The following ZFYVE28 variants were observed in gnomAD, a reference collection of about 807,000 sequenced individuals.
The protein encoded by ZFYVE28 is lateral signaling target protein 2 homolog.
ZFYVE28 carries 40 observed loss-of-function variants against 82.1 expected under a neutral mutation model. That is an observed-to-expected ratio of 0.49 (90% CI 0.38 to 0.63). ZFYVE28 has a LOEUF of 0.63. ZFYVE28 is among the 30% of genes least tolerant of loss of function. The probability of loss-of-function intolerance (pLI) is 0.00; values close to 1 mark genes in which losing one functional copy is unlikely to be tolerated. For missense variants in ZFYVE28, 1,321 were observed against 1,242.1 expected (o/e 1.06, Z -0.96); for synonymous variants, 612 against 546.1 (o/e 1.12, Z -1.68).
At position 2,355,661 on chromosome 4, in the gene ZFYVE28, T is replaced by A. The variant is rs184117016; in HGVS notation, c.40-1588A>T. 9.6e-4 allele frequency among the ~76,000 whole-genome samples: 146 copies of A among 152,068 alleles called. 2 individuals are homozygous for A. Among genetic ancestry groups the A allele is most frequent in the African/African-American group, 3.5e-3 (144 of 41,446 alleles). On this transcript the variant is annotated intron_variant, in intron 1 of 12. Coordinates refer to ENST00000290974, the MANE Select transcript of ZFYVE28 (RefSeq NM_020972.3). Reference sequence around the variant, plus strand: ...GGCATGAGCATGGCTCACTGCAACCTCCGCCTCCTGGGCTCAAGAGATCCT... The same window carrying A: ...GGCATGAGCATGGCTCACTGCAACCACCGCCTCCTGGGCTCAAGAGATCCT...
At chr4:2,297,000 G>A (rs1014999671) in intron 8 of ZFYVE28, among the ~76,000 whole-genome samples, 7 of 152,238 alleles carry the variant, frequency 4.6e-5, no homozygotes, top group Admixed American at 6.5e-5. Context: ...CCGGGCCACC[G>A]AGGCCACAGC....
At chr4:2,347,591 A>C (rs765501092) in intron 2 of ZFYVE28, among the ~76,000 whole-genome samples, 1 of 152,224 alleles carries the variant, frequency 6.6e-6, no homozygotes, top group Non-Finnish European at 1.5e-5. Context: ...AATGGAATTA[A>C]ATTAGAAATC....
intron 8 of ZFYVE28, among the ~76,000 whole-genome samples, chr4:2,291,972 T>G (rs1006454529): frequency 2.0e-5 from 3 of 152,102 alleles, no homozygotes; most frequent in African/African-American, 7.2e-5. Context: ...TGGGCCAGGC[T>G]CCAGCACGTC....
chr4:2,280,631 C>G lies in ZFYVE28; in HGVS notation c.2052-6415G>C, dbSNP rs565299343. ...TACACTTACTTGAGTAGTAAGATTA[C>G]AGGTAAATTATCATTTTCTAAAGTC... On this transcript the variant is annotated intron_variant, in intron 8 of 12. Transcript: ENST00000290974. Among the ~76,000 whole-genome samples the G allele has an allele frequency of 7.7e-4, 117 of 152,340 alleles. 2 individuals are homozygous for G. The highest frequency in any genetic ancestry group is 7.9e-4 in the Non-Finnish European group (54 of 68,038).
Position 2,320,190 on chromosome 4 carries a change from G to A in ZFYVE28, c.783C>T (p.His261=). 1.9e-6 allele frequency: 3 copies of A among 1,613,368 alleles called. No homozygotes were observed. The highest frequency in any genetic ancestry group is 1.1e-5 in the South Asian group (1 of 91,028). Residue 261 remains histidine, a synonymous_variant, in exon 7 of 13, where the codon CAC becomes CAT. Transcript: ENST00000290974. The surrounding 1 kb of genome is among the most constrained non-coding windows in gnomAD (Gnocchi z 5.1). ...CCCACCTTATTTTCCGCAGCAACGTGTGGAAGGGCCGGAACAGCTCGGACA... is the reference window on the plus strand; with the variant it reads ...CCCACCTTATTTTCCGCAGCAACGTATGGAAGGGCCGGAACAGCTCGGACA... ...EDMSELFRPF[H]TLLRKIRDLL...
chr4:2,350,445 C>A (rs1479983414), intron 2 of ZFYVE28, among the ~76,000 whole-genome samples: 3 of 149,358 alleles, frequency 2.0e-5, no homozygotes, highest in Middle Eastern at 3.2e-3. Flanking sequence ...GCCTGGGCGA[C>A]AGAGCGAGAC....
At chr4:2,364,395 G>A (rs1726582279) in intron 1 of ZFYVE28, 21 of 975,130 alleles carry the variant, frequency 2.2e-5, no homozygotes, top group Non-Finnish European at 2.3e-5. Context: ...CGCCCCAAGG[G>A]CACAGCCCCC....
At chr4:2,352,034 C>T (rs1274415882) in intron 2 of ZFYVE28, among the ~76,000 whole-genome samples, 5 of 152,198 alleles carry the variant, frequency 3.3e-5, no homozygotes, top group Admixed American at 2.6e-4. Flanking sequence ...TCAAGTCCCA[C>T]GGCTGGACCA....
intron 5 of ZFYVE28, among the ~76,000 whole-genome samples, chr4:2,336,568 C>CG (rs796201781): frequency 6.6e-6 from 1 of 152,054 alleles, no homozygotes; most frequent in African/African-American, 2.4e-5. Context: ...CCCTGCCCCC[C>CG]CCACTCCCTA....
intron 8 of ZFYVE28, among the ~76,000 whole-genome samples, chr4:2,277,718 T>C (rs981983627): frequency 1.3e-5 from 2 of 152,192 alleles, no homozygotes; most frequent in Non-Finnish European, 2.9e-5. Context: ...ACATCTCGTG[T>C]TCACAGGTCG....
chr4:2,338,667 G>A (rs1386392128), intron 4 of ZFYVE28, among the ~76,000 whole-genome samples: 1 of 152,194 alleles, frequency 6.6e-6, no homozygotes, highest in East Asian at 1.9e-4. Context: ...AAAATTTGGG[G>A]AAGACAAGAA....
chr4:2,310,831 C>T (rs940849750), intron 7 of ZFYVE28, among the ~76,000 whole-genome samples: 4 of 152,034 alleles, frequency 2.6e-5, no homozygotes, highest in African/African-American at 9.7e-5. Context: ...TAGAAAATGT[C>T]TTTTTTTCTA....
At chr4:2,360,930 G>A (rs1053524255) in intron 1 of ZFYVE28, among the ~76,000 whole-genome samples, 2 of 152,100 alleles carry the variant, frequency 1.3e-5, no homozygotes, top group African/African-American at 2.4e-5. Context: ...TTTATTCAAT[G>A]ACATTTTACA....
intron 1 of ZFYVE28, among the ~76,000 whole-genome samples, chr4:2,368,211 C>CTAAAAAAAAA (rs1727093982): frequency 1.2e-5 from 1 of 86,158 alleles, no homozygotes; most frequent in Non-Finnish European, 2.2e-5. Context: ...CACATCTCTA[C>CTAAAAAAAAA]AAAAAAAAAA....
intron 1 of ZFYVE28, among the ~76,000 whole-genome samples, chr4:2,390,493 C>T (rs1030552132): frequency 3.3e-5 from 5 of 152,146 alleles, no homozygotes; most frequent in Non-Finnish European, 4.4e-5. Flanking sequence ...GACCCCATGT[C>T]GGGGGCTCAG....
At chr4:2,312,829 G>A (rs554185239) in intron 7 of ZFYVE28, among the ~76,000 whole-genome samples, 2 of 151,326 alleles carry the variant, frequency 1.3e-5, no homozygotes, top group Non-Finnish European at 2.9e-5. Flanking sequence ...CAGATCACTT[G>A]AGACCAGGAG....
At chr4:2,340,372 G>A (rs1722596904) in intron 3 of ZFYVE28, among the ~76,000 whole-genome samples, 1 of 151,952 alleles carries the variant, frequency 6.6e-6, no homozygotes, top group Non-Finnish European at 1.5e-5. Context: ...CTCTGGCACA[G>A]GGGCTGAGTC....
At chr4:2,350,692 A>C (rs1724295617) in intron 2 of ZFYVE28, among the ~76,000 whole-genome samples, 1 of 152,098 alleles carries the variant, frequency 6.6e-6, no homozygotes, top group Non-Finnish European at 1.5e-5. Flanking sequence ...ACCTCCGGGG[A>C]GGGGAGAGGC....
intron 9 of ZFYVE28, 146 bp from the exon 10 acceptor site, chr4:2,273,435 A>C: frequency 2.9e-6 from 2 of 687,452 alleles, no homozygotes; most frequent in Non-Finnish European, 2.5e-6. Context: ...AGGAGGCCCA[A>C]CCCCTTGGGG....
Sources: allele counts gnomAD v4.1 joint callset (sites outside exome capture counted in the v4.1 genomes callset), GRCh38; gene constraint gnomAD v4.1.1; non-coding constraint Gnocchi (gnomAD v3.1); transcripts MANE v1.5; gene names NCBI Gene and HGNC (gene_info 2026-07-23, HGNC 2026-07-21).